Variants in NAV3 observed in about 807,000 individuals in gnomAD.
NAV3 encodes neuron navigator 3.
A neutral mutation model predicts 244.7 loss-of-function variants in NAV3; 87 were observed. The observed-to-expected ratio is 0.36, with a 90% CI of 0.30 to 0.42. NAV3 has a LOEUF of 0.42. Among genes scored for constraint, NAV3 ranks in the 20% least tolerant of loss-of-function variants. The pLI, the probability that NAV3 is intolerant of heterozygous loss-of-function variation, is 1.00. For synonymous variants in NAV3, 1,126 were observed against 1,042.2 expected (o/e 1.08, Z -1.55); for missense variants, 2,663 against 2,893.3 (o/e 0.92, Z 1.83).
intron 1 of NAV3, among the ~76,000 whole-genome samples, chr12:77,887,100 C>T (rs1309330503): frequency 6.6e-6 from 1 of 152,094 alleles, no homozygotes; most frequent in African/African-American, 2.4e-5. Flanking sequence ...AGGAACCTCT[C>T]ACAGTGGCTT....
chr12:77,971,129 A>G (rs1214770803), intron 5 of NAV3, among the ~76,000 whole-genome samples: 1 of 152,060 alleles, frequency 6.6e-6, no homozygotes, highest in Non-Finnish European at 1.5e-5. Flanking sequence ...GTAGTTTAAA[A>G]TATAAAGCCA....
At chr12:77,932,761 A>C (rs146627086) in intron 1 of NAV3, among the ~76,000 whole-genome samples, 248 of 152,232 alleles carry the variant, frequency 1.6e-3, no homozygotes, top group African/African-American at 5.7e-3. Flanking sequence ...AATCTTAATA[A>C]AGCCTTCTTA....
chr12:77,778,085 T>C (rs1252736773), intron 2 of NAV3, among the ~76,000 whole-genome samples: 2 of 151,652 alleles, frequency 1.3e-5, no homozygotes, highest in Non-Finnish European at 2.9e-5. Flanking sequence ...TTAGTAATTT[T>C]CTTTGGCAAA....
chr12:78,100,914 C>T (rs1954506795), intron 12 of NAV3, among the ~76,000 whole-genome samples: 1 of 152,048 alleles, frequency 6.6e-6, no homozygotes, highest in African/African-American at 2.4e-5. Context: ...AATGTTTAGT[C>T]TTCATTTTCC....
intron 1 of NAV3, among the ~76,000 whole-genome samples, chr12:77,928,278 C>T (rs973041886): frequency 1.3e-5 from 2 of 148,920 alleles, no homozygotes; most frequent in Non-Finnish European, 3.0e-5. Context: ...ACTCAGTTTC[C>T]AAAGTATTCA....
intron 12 of NAV3, among the ~76,000 whole-genome samples, chr12:78,080,798 T>C (rs1953306822): frequency 6.6e-6 from 1 of 152,258 alleles, no homozygotes; most frequent in Non-Finnish European, 1.5e-5. Flanking sequence ...TAGCCTTCCA[T>C]GCAGAATTAA....
At chr12:77,869,886 T>C (rs1880674086) in intron 1 of NAV3, among the ~76,000 whole-genome samples, 2 of 152,220 alleles carry the variant, frequency 1.3e-5, no homozygotes, top group South Asian at 4.1e-4. Flanking sequence ...AATAACTATG[T>C]CATGAATGAA....
At chr12:77,747,206 T>G (rs1156802420) in intron 2 of NAV3, among the ~76,000 whole-genome samples, 2 of 152,218 alleles carry the variant, frequency 1.3e-5, no homozygotes, top group Non-Finnish European at 2.9e-5. Context: ...ATTGATTTTT[T>G]CATGTCTTTT....
At chr12:78,058,527 A>T (rs1883852404) in intron 11 of NAV3, among the ~76,000 whole-genome samples, 1 of 152,186 alleles carries the variant, frequency 6.6e-6, no homozygotes, top group Admixed American at 6.5e-5. Context: ...GTGCAGTGAC[A>T]GCAGCTGATA....
chr12:78,097,705 G>A (rs1954327347), intron 12 of NAV3, among the ~76,000 whole-genome samples: 1 of 151,916 alleles, frequency 6.6e-6, no homozygotes, highest in Non-Finnish European at 1.5e-5. Context: ...ATATTTTATT[G>A]AATTAATACT....
intron 24 of NAV3, among the ~76,000 whole-genome samples, chr12:78,170,792 A>G (rs1957969162): frequency 2.6e-5 from 4 of 151,878 alleles, no homozygotes; most frequent in African/African-American, 7.2e-5. Flanking sequence ...CAGCATAAAG[A>G]CTTTTCGAGA....
At chr12:77,635,073 A>G (rs1872098313) in intron 2 of NAV3, among the ~76,000 whole-genome samples, 1 of 152,118 alleles carries the variant, frequency 6.6e-6, no homozygotes, top group African/African-American at 2.4e-5. Context: ...TACTAAGAAC[A>G]CAAAAACTAG....
chr12:78,100,756 A>G (rs538683245), intron 12 of NAV3, among the ~76,000 whole-genome samples: 139 of 152,090 alleles, frequency 9.1e-4, no homozygotes, highest in Non-Finnish European at 1.3e-3. Flanking sequence ...AGAACTATGT[A>G]TTTCCTTTTG....
intron 9 of NAV3, among the ~76,000 whole-genome samples, chr12:78,027,205 G>A (rs989988568): frequency 6.6e-6 from 1 of 151,946 alleles, no homozygotes; most frequent in Non-Finnish European, 1.5e-5. Flanking sequence ...GGAGACCAAG[G>A]CAGGACGACT....
chr12:77,823,294 AACAG>A (rs1457303075), intron 2 of NAV3, among the ~76,000 whole-genome samples: 5 of 152,092 alleles, frequency 3.3e-5, no homozygotes, highest in South Asian at 2.1e-4. Flanking sequence ...GAGATAGATA[AACAG>A]ACAGAGAGAC....
At chr12:78,168,561 C>A (rs1315190410) in intron 23 of NAV3, among the ~76,000 whole-genome samples, 194 bp from the exon 24 acceptor site, 2 of 151,596 alleles carry the variant, frequency 1.3e-5, no homozygotes, top group African/African-American at 4.8e-5. Context: ...AACAAACAAA[C>A]AAACAAAAAA....
intron 12 of NAV3, among the ~76,000 whole-genome samples, chr12:78,081,897 T>C (rs984028393): frequency 1.3e-5 from 2 of 152,204 alleles, no homozygotes; most frequent in Non-Finnish European, 2.9e-5. Context: ...TTTAAGTAGA[T>C]CTTTTCCTGG....
intron 2 of NAV3, among the ~76,000 whole-genome samples, chr12:77,593,542 C>T (rs1026374441): frequency 2.0e-5 from 3 of 150,728 alleles, no homozygotes; most frequent in Non-Finnish European, 3.0e-5. Flanking sequence ...CTCCACCTCC[C>T]GGGTTCAAGC....
intron 2 of NAV3, among the ~76,000 whole-genome samples, chr12:77,613,431 G>A (rs1175563039): frequency 6.6e-6 from 1 of 152,148 alleles, no homozygotes; most frequent in Non-Finnish European, 1.5e-5. Flanking sequence ...GTTAGCAGCA[G>A]GGCCAGTGTC....
Sources: gnomAD v4.1 joint callset for allele counts (sites outside exome capture counted in the v4.1 genomes callset) on GRCh38, gnomAD v4.1.1 for gene constraint, MANE v1.5 for transcripts, NCBI Gene and HGNC (gene_info 2026-07-23, HGNC 2026-07-21) for gene names.